Variants in FHIT observed in about 807,000 individuals in gnomAD.
The protein encoded by FHIT is bis(5'-adenosyl)-triphosphatase.
FHIT carries 19 observed loss-of-function variants against 17.9 expected under a neutral mutation model. The ratio of observed to expected loss-of-function variants is 1.06; its 90% CI spans 0.74 to 1.56. The LOEUF is 1.56. Among genes scored for constraint, FHIT ranks in the 40% most tolerant of loss-of-function variants. The pLI is 0.00. For missense variants in FHIT, 248 were observed against 189.2 expected (o/e 1.31, Z -1.82); for synonymous variants, 81 against 69.7 (o/e 1.16, Z -0.81).
chr3:61,060,058 C>T (rs1172630339), intron 2 of FHIT, among the ~76,000 whole-genome samples: 1 of 151,988 alleles, frequency 6.6e-6, no homozygotes, highest in African/African-American at 2.4e-5. Context: ...GGGTGAGTTC[C>T]CACCTTGCAC....
At chr3:60,012,807 T>G (rs886967800) in intron 6 of FHIT, among the ~76,000 whole-genome samples, 17 of 152,228 alleles carry the variant, frequency 1.1e-4, no homozygotes, top group Non-Finnish European at 2.1e-4. Context: ...AAGTCAGCTC[T>G]TACATTTATG....
intron 5 of FHIT, among the ~76,000 whole-genome samples, chr3:60,199,878 A>C (rs1016936505): frequency 6.6e-6 from 1 of 152,164 alleles, no homozygotes; most frequent in African/African-American, 2.4e-5. Context: ...GGTGTCAAAC[A>C]TAGGGGACTA....
intron 7 of FHIT, among the ~76,000 whole-genome samples, chr3:60,008,657 C>A (rs1700013727): frequency 6.6e-6 from 1 of 152,178 alleles, no homozygotes; most frequent in South Asian, 2.1e-4. Flanking sequence ...GAATGAGACA[C>A]AGAGGCAAAG....
intron 5 of FHIT, among the ~76,000 whole-genome samples, chr3:60,249,852 G>A (rs528731692): frequency 2.0e-5 from 3 of 152,234 alleles, no homozygotes; most frequent in East Asian, 3.9e-4. Context: ...CATGGCTGAG[G>A]AGGCCTCACA....
At chr3:59,924,834 A>T (rs1705574251) in intron 7 of FHIT, among the ~76,000 whole-genome samples, 1 of 152,124 alleles carries the variant, frequency 6.6e-6, no homozygotes, top group Admixed American at 6.5e-5. Flanking sequence ...CAGGGCCCTA[A>T]AAGTCTGCAT....
intron 4 of FHIT, among the ~76,000 whole-genome samples, chr3:60,699,527 T>C (rs1553701483): frequency 6.6e-6 from 1 of 152,200 alleles, no homozygotes. Flanking sequence ...ATTATTCAGA[T>C]ACGTTTCAAA....
chr3:61,175,357 A>T (rs1383193013), intron 2 of FHIT, among the ~76,000 whole-genome samples: 2 of 152,052 alleles, frequency 1.3e-5, no homozygotes, highest in African/African-American at 4.8e-5. Context: ...TTCAACATCC[A>T]TCTTCCACCC....
chr3:61,006,436 T>C (rs2031453227), intron 3 of FHIT, among the ~76,000 whole-genome samples: 1 of 152,158 alleles, frequency 6.6e-6, no homozygotes, highest in Non-Finnish European at 1.5e-5. Context: ...AAATTAAAAA[T>C]ATTTCACGAA....
chr3:60,772,556 T>A (rs887029456), intron 4 of FHIT, among the ~76,000 whole-genome samples: 1 of 152,188 alleles, frequency 6.6e-6, no homozygotes, highest in Middle Eastern at 3.4e-3. Flanking sequence ...GCATTCAAGC[T>A]GCCAAGCTAG....
At chr3:60,951,727 G>C (rs1319858552) in intron 3 of FHIT, among the ~76,000 whole-genome samples, 9 of 152,208 alleles carry the variant, frequency 5.9e-5, no homozygotes, top group African/African-American at 2.2e-4. Flanking sequence ...AAAAACTCTG[G>C]TGAGAGTATT....
At chr3:60,305,505 C>T (rs1190153573) in intron 5 of FHIT, among the ~76,000 whole-genome samples, 1 of 152,218 alleles carries the variant, frequency 6.6e-6, no homozygotes, top group Admixed American at 6.5e-5. Flanking sequence ...TATCTACTCT[C>T]GGCTGTTGAT....
chr3:59,752,793 T>C (rs1193103783), intron 8 of FHIT, among the ~76,000 whole-genome samples: 2 of 152,140 alleles, frequency 1.3e-5, no homozygotes, highest in Non-Finnish European at 2.9e-5. Flanking sequence ...CCTTCCGCCA[T>C]GATTGAAAGG....
intron 4 of FHIT, among the ~76,000 whole-genome samples, chr3:60,540,947 T>C (rs1201587397): frequency 6.6e-6 from 1 of 152,174 alleles, no homozygotes; most frequent in East Asian, 1.9e-4. Context: ...TGGGAACTTA[T>C]TAGAAATGCA....
intron 4 of FHIT, among the ~76,000 whole-genome samples, chr3:60,803,874 A>G (rs536645465): frequency 6.6e-6 from 1 of 151,608 alleles, no homozygotes; most frequent in Non-Finnish European, 1.5e-5. Context: ...AGAAGAGGTT[A>G]GCAAAATCCA....
intron 7 of FHIT, among the ~76,000 whole-genome samples, chr3:59,971,665 G>T (rs1249234622): frequency 1.3e-5 from 2 of 152,098 alleles, no homozygotes; most frequent in Non-Finnish European, 2.9e-5. Context: ...AAAGGGTCTT[G>T]GAAGTTTAGA....
At chr3:60,050,268 T>A (rs1031235825) in intron 5 of FHIT, among the ~76,000 whole-genome samples, 17 of 152,204 alleles carry the variant, frequency 1.1e-4, no homozygotes, top group African/African-American at 4.1e-4. Context: ...ATAGTTTATT[T>A]CATTGAACAC....
intron 3 of FHIT, among the ~76,000 whole-genome samples, chr3:60,910,409 TC>T (rs1706678104): frequency 7.5e-6 from 1 of 133,424 alleles, no homozygotes; most frequent in Non-Finnish European, 1.6e-5. Context: ...GGTCTTTCTC[TC>T]TTTTTTTTTT....
intron 8 of FHIT, among the ~76,000 whole-genome samples, chr3:59,768,764 C>T (rs1209870470): frequency 6.6e-6 from 1 of 152,196 alleles, no homozygotes; most frequent in Non-Finnish European, 1.5e-5. Flanking sequence ...TAGTTGTACC[C>T]ATCCTCAGTC....
At chr3:60,709,082 A>C (rs1246425279) in intron 4 of FHIT, among the ~76,000 whole-genome samples, 1 of 152,164 alleles carries the variant, frequency 6.6e-6, no homozygotes, top group Non-Finnish European at 1.5e-5. Flanking sequence ...ACTCCTAAAA[A>C]CTGTGGAAGG....
Sources: gnomAD v4.1 joint callset for allele counts (sites outside exome capture counted in the v4.1 genomes callset) on GRCh38, gnomAD v4.1.1 for gene constraint, MANE v1.5 for transcripts, NCBI Gene and HGNC (gene_info 2026-07-23, HGNC 2026-07-21) for gene names.